Variants in GRIP1 observed in about 807,000 individuals in gnomAD.
GRIP1 encodes glutamate receptor interacting protein 1.
GRIP1 carries 45 observed loss-of-function variants against 129.9 expected under a neutral mutation model. That is an observed-to-expected ratio of 0.35 (90% CI 0.27 to 0.44). GRIP1 has a LOEUF of 0.44. Among genes scored for constraint, GRIP1 ranks in the 20% least tolerant of loss-of-function variants. The probability of loss-of-function intolerance (pLI) is 1.00; values close to 1 mark genes in which losing one functional copy is unlikely to be tolerated. For synonymous variants in GRIP1, 530 were observed against 520.8 expected (o/e 1.02, Z -0.24); for missense variants, 1,196 against 1,396.8 (o/e 0.86, Z 2.29).
In GRIP1 at chr12:66,530,001, A is replaced by G. The variant is rs2061390544; in HGVS notation, c.419-87T>C. 4.8e-6 allele frequency: 4 copies of G among 836,772 alleles called. No homozygotes were observed. The South Asian group carries it at 5.7e-5, about 12-fold the overall frequency. 51.8% of individuals were successfully genotyped at this position (836,772 alleles called of 1,614,324 possible). On this transcript the variant is annotated intron_variant, in intron 4 of 24. Coordinates refer to ENST00000359742, the MANE Select transcript of GRIP1 (RefSeq NM_001366722.1). ...TTCAATGTGGCATAAAATATTACAG[A>G]TCCCTGTTGCAAATAAGTTTTGAGT...
chr12:66,891,838 T>C (rs1450831457), intron 1 of GRIP1: 1 of 152,180 alleles, frequency 6.6e-6, no homozygotes, highest in Non-Finnish European at 1.5e-5. Context: ...ATTCGAAGCC[T>C]CTTAAGAAAA....
At chr12:66,444,792 C>A in intron 12 of GRIP1, 63 bp from the exon 13 acceptor site, 3 of 1,548,952 alleles carry the variant, frequency 1.9e-6, no homozygotes, top group Non-Finnish European at 2.7e-6. Context: ...CTGAGCTTGC[C>A]AAATCTACCT....
intron 1 of GRIP1, among the ~76,000 whole-genome samples, chr12:66,868,790 A>G (rs907330556): frequency 1.3e-5 from 2 of 152,176 alleles, no homozygotes; most frequent in Non-Finnish European, 2.9e-5. Context: ...TCTAATTGAC[A>G]TATTGGACAT....
chr12:66,845,672 A>G (rs2039801099), intron 1 of GRIP1, among the ~76,000 whole-genome samples: 1 of 152,194 alleles, frequency 6.6e-6, no homozygotes, highest in Non-Finnish European at 1.5e-5. Flanking sequence ...TAAAATTAAC[A>G]TAATAATGTT....
At chr12:66,979,237 A>ACAAC (rs1293206236) in intron 1 of GRIP1, among the ~76,000 whole-genome samples, 2 of 108,296 alleles carry the variant, frequency 1.8e-5, no homozygotes, top group Admixed American at 1.1e-4. Flanking sequence ...AAAAAAAAAA[A>ACAAC]AAAAAAAAAA....
intron 2 of GRIP1, among the ~76,000 whole-genome samples, chr12:66,590,034 CTT>C (rs967642787): frequency 6.6e-6 from 1 of 151,982 alleles, no homozygotes; most frequent in Non-Finnish European, 1.5e-5. Context: ...AGGGAAGAGA[CTT>C]TTTCCTTATA....
In GRIP1 at chr12:66,371,268, C is replaced by T. The variant is rs12297991; in HGVS notation, c.3012+426G>A. On this transcript the variant is annotated intron_variant, in intron 23 of 24. Transcript: ENST00000359742. ...CTGTCTCCTGGGTTCAAGTGATTCT[C>T]CTGCCTCAACCTCCCAAGTAGCTGG... Among the ~76,000 whole-genome samples, 283 of 150,992 alleles carry T rather than the reference C, an allele frequency of 1.9e-3. 2 individuals carry two copies. Among genetic ancestry groups the T allele is most frequent in the African/African-American group, 6.6e-3 (272 of 41,068 alleles).
At chr12:66,639,072 AT>A (rs34479511) in intron 1 of GRIP1, among the ~76,000 whole-genome samples, 29,987 of 152,152 alleles carry the variant, frequency 0.2, 3,078 homozygotes, top group Non-Finnish European at 0.23. Flanking sequence ...AGGCTAATAA[AT>A]GGCATTATTA....
At chr12:66,998,832 A>G (rs1250358997) in intron 1 of GRIP1, among the ~76,000 whole-genome samples, 1 of 152,184 alleles carries the variant, frequency 6.6e-6, no homozygotes, top group Non-Finnish European at 1.5e-5. Flanking sequence ...TCCTGGCTGC[A>G]TTAACATCTT....
chr12:66,627,355 C>A (rs1381836725), intron 1 of GRIP1, among the ~76,000 whole-genome samples: 1 of 152,170 alleles, frequency 6.6e-6, no homozygotes, highest in African/African-American at 2.4e-5. Flanking sequence ...GAGCTCAGTA[C>A]ACAAAACAAA....
intron 1 of GRIP1, among the ~76,000 whole-genome samples, chr12:66,598,741 T>C (rs1480460225): frequency 3.3e-5 from 5 of 152,208 alleles, no homozygotes; most frequent in African/African-American, 4.8e-5. Context: ...TGAAACAGTG[T>C]GTTTATGAGC....
chr12:66,788,062 C>A (rs1307920435), intron 1 of GRIP1, among the ~76,000 whole-genome samples: 1 of 152,028 alleles, frequency 6.6e-6, no homozygotes, highest in Non-Finnish European at 1.5e-5. Flanking sequence ...GTATTTCACA[C>A]ACCCCTGCCA....
intron 1 of GRIP1, among the ~76,000 whole-genome samples, chr12:66,944,960 T>G (rs1271029867): frequency 6.6e-6 from 1 of 151,948 alleles, no homozygotes; most frequent in Non-Finnish European, 1.5e-5. Context: ...GCCCAGCTAA[T>G]TTTTGTATTT....
At chr12:66,492,375 G>A (rs983445483) in intron 7 of GRIP1, among the ~76,000 whole-genome samples, 6 of 152,010 alleles carry the variant, frequency 3.9e-5, no homozygotes, top group African/African-American at 1.5e-4. Flanking sequence ...TACTACTAAA[G>A]TACCAGTCTA....
At chr12:66,764,681 A>T (rs1447014260) in intron 1 of GRIP1, among the ~76,000 whole-genome samples, 1 of 152,152 alleles carries the variant, frequency 6.6e-6, no homozygotes, top group African/African-American at 2.4e-5. Context: ...CAAGGGGTGG[A>T]AAGGGAGTTT....
chr12:66,822,679 A>C (rs1774728066), intron 1 of GRIP1, among the ~76,000 whole-genome samples: 1 of 152,168 alleles, frequency 6.6e-6, no homozygotes, highest in African/African-American at 2.4e-5. Context: ...CCATAAAAAA[A>C]CCAAAATGAT....
At chr12:66,541,531 C>T (rs1015241326) in intron 3 of GRIP1, among the ~76,000 whole-genome samples, 4 of 152,152 alleles carry the variant, frequency 2.6e-5, no homozygotes, top group African/African-American at 9.7e-5. Flanking sequence ...CATTTGCAGA[C>T]AAGATTCACA....
chr12:66,631,113 T>A (rs143910863), intron 1 of GRIP1, among the ~76,000 whole-genome samples: 5 of 152,058 alleles, frequency 3.3e-5, no homozygotes, highest in Non-Finnish European at 7.4e-5. Context: ...AATTTTTGTA[T>A]TTATAGTAGA....
intron 1 of GRIP1, among the ~76,000 whole-genome samples, chr12:66,845,522 T>C (rs769448313): frequency 6.6e-6 from 1 of 152,160 alleles, no homozygotes; most frequent in Non-Finnish European, 1.5e-5. Context: ...CTGGTATTAA[T>C]TTTTGCATTC....
Sources: allele counts gnomAD v4.1 joint callset (sites outside exome capture counted in the v4.1 genomes callset), GRCh38; gene constraint gnomAD v4.1.1; transcripts MANE v1.5; gene names NCBI Gene and HGNC (gene_info 2026-07-23, HGNC 2026-07-21).